The following SDK1 variants were observed in gnomAD, a reference collection of about 807,000 sequenced individuals.
The protein encoded by SDK1 is protein sidekick-1.
SDK1 carries 157 observed loss-of-function variants against 245.5 expected under a neutral mutation model. That is an observed-to-expected ratio of 0.64 (90% CI 0.56 to 0.73). The LOEUF (loss-of-function observed/expected upper bound fraction) is 0.73. Among genes scored for constraint, SDK1 ranks in the 30% least tolerant of loss-of-function variants. SDK1 has a pLI of 0.00. For synonymous variants in SDK1, 1,647 were observed against 1,278.5 expected, an observed-to-expected ratio of 1.29 and a Z score of -6.15; for missense variants, 3,583 against 3,002.3, an observed-to-expected ratio of 1.19 and a Z score of -4.52.
At chr7:3,473,072 C>T (rs546609154) in intron 1 of SDK1, among the ~76,000 whole-genome samples, 5 of 152,278 alleles carry the variant, frequency 3.3e-5, no homozygotes, top group African/African-American at 4.8e-5. Context: ...TGGCTTCTTA[C>T]GATTTTGAAA....
At chr7:4,034,658 C>T (rs1198332247) in intron 17 of SDK1, among the ~76,000 whole-genome samples, 2 of 152,232 alleles carry the variant, frequency 1.3e-5, no homozygotes, top group Non-Finnish European at 2.9e-5. Context: ...CACTCACAAA[C>T]TCGACTTTTA....
chr7:3,792,519 A>T (rs1012785353), intron 4 of SDK1, among the ~76,000 whole-genome samples: 1 of 152,258 alleles, frequency 6.6e-6, no homozygotes, highest in African/African-American at 2.4e-5. Flanking sequence ...TTAGTTGATG[A>T]ATAAGCGAAT....
chr7:3,524,298 A>G (rs1783044224), intron 1 of SDK1, among the ~76,000 whole-genome samples: 1 of 152,170 alleles, frequency 6.6e-6, no homozygotes. Context: ...AAACAACAAA[A>G]TCCTACTTAG....
At chr7:3,609,097 A>G (rs982990275) in intron 1 of SDK1, among the ~76,000 whole-genome samples, 5 of 152,222 alleles carry the variant, frequency 3.3e-5, no homozygotes, top group Non-Finnish European at 7.3e-5. Flanking sequence ...GTTATTTTTC[A>G]TAAATGTCTT....
intron 1 of SDK1, among the ~76,000 whole-genome samples, chr7:3,589,406 C>T (rs12055947): frequency 0.51 from 77,571 of 152,034 alleles, 20,100 homozygotes; most frequent in South Asian, 0.74. Context: ...AGACTCTTCC[C>T]GTGCACCAGC....
At chr7:3,967,469 C>T (rs372470581) in intron 10 of SDK1, 35 bp downstream of exon 10, 2 of 1,284,584 alleles carry the variant, frequency 1.6e-6, no homozygotes, top group East Asian at 2.3e-5. Context: ...CAGCATGGCC[C>T]ATGTAGAACA....
chr7:3,933,718 C>T (rs1339670611), intron 5 of SDK1, among the ~76,000 whole-genome samples: 1 of 152,194 alleles, frequency 6.6e-6, no homozygotes, highest in Non-Finnish European at 1.5e-5. Context: ...AAAAAGTGCC[C>T]TATGACTGAT....
rs969008224 is a variant in SDK1, at chr7:3,852,290, G to A, written c.847+30707G>A. On this transcript the variant is annotated intron_variant, in intron 5 of 44. Transcript: ENST00000404826. Reference sequence around the variant, plus strand: ...AGAAAACTGGCCAGCCGAGAGCGACGGATGGCACCAGGCCTTTGAAGGGTA... The same window carrying A: ...AGAAAACTGGCCAGCCGAGAGCGACAGATGGCACCAGGCCTTTGAAGGGTA... Among the ~76,000 whole-genome samples, 206 of 151,944 alleles carry A rather than the reference G, an allele frequency of 1.4e-3. 1 individual carries two copies. The highest frequency in any genetic ancestry group is 4.8e-3 in the African/African-American group (198 of 41,410).
At chr7:3,837,978 C>T (rs995846403) in intron 5 of SDK1, among the ~76,000 whole-genome samples, 1 of 152,128 alleles carries the variant, frequency 6.6e-6, no homozygotes, top group Non-Finnish European at 1.5e-5. Context: ...CTTGGACTCC[C>T]AGGTCCCCTT....
intron 5 of SDK1, among the ~76,000 whole-genome samples, chr7:3,892,998 G>T (rs1230213444): frequency 1.3e-5 from 2 of 152,184 alleles, no homozygotes; most frequent in African/African-American, 4.8e-5. Flanking sequence ...GCAGTAGAAG[G>T]AGCATGAGTT....
intron 1 of SDK1, among the ~76,000 whole-genome samples, chr7:3,414,515 T>G (rs948615147): frequency 1.3e-5 from 2 of 152,208 alleles, no homozygotes; most frequent in South Asian, 4.1e-4. Flanking sequence ...CTATAGATCT[T>G]CCTTGATCAC....
At chr7:4,099,089 C>G (rs1782367321) in intron 22 of SDK1, among the ~76,000 whole-genome samples, 1 of 151,796 alleles carries the variant, frequency 6.6e-6, no homozygotes, top group African/African-American at 2.4e-5. Flanking sequence ...GAAGGCTCTG[C>G]AGAGGAGGTG....
intron 1 of SDK1, among the ~76,000 whole-genome samples, chr7:3,514,725 C>T (rs932711046): frequency 2.0e-5 from 3 of 152,150 alleles, no homozygotes; most frequent in African/African-American, 7.2e-5. Flanking sequence ...ACTTAGACCC[C>T]GTCTCCTTGA....
At chr7:4,064,288 G>A (rs970887161) in intron 19 of SDK1, among the ~76,000 whole-genome samples, 1 of 152,078 alleles carries the variant, frequency 6.6e-6, no homozygotes, top group Non-Finnish European at 1.5e-5. Context: ...GTCAAAAGCA[G>A]ACATACAGAT....
intron 13 of SDK1, among the ~76,000 whole-genome samples, chr7:3,975,703 GA>G (rs1272544846): frequency 2.0e-5 from 3 of 152,234 alleles, no homozygotes; most frequent in Non-Finnish European, 4.4e-5. Context: ...AGTCAGTCCG[GA>G]AGGCCCTGTG....
At chr7:3,336,195 C>T (rs554803615) in intron 1 of SDK1, among the ~76,000 whole-genome samples, 4 of 152,328 alleles carry the variant, frequency 2.6e-5, no homozygotes, top group African/African-American at 9.6e-5. Flanking sequence ...GCCCTCCTCC[C>T]TTCCCAGGCT....
chr7:3,701,180 A>G (rs560847794), intron 4 of SDK1, among the ~76,000 whole-genome samples: 2 of 152,338 alleles, frequency 1.3e-5, no homozygotes, highest in East Asian at 1.9e-4. Context: ...TTGACAGAGA[A>G]TACAATACTG....
intron 4 of SDK1, among the ~76,000 whole-genome samples, chr7:3,705,829 C>A (rs1474766362): frequency 6.6e-6 from 1 of 152,004 alleles, no homozygotes; most frequent in Non-Finnish European, 1.5e-5. Flanking sequence ...TCATCCTTGA[C>A]CTATTTCAGT....
intron 12 of SDK1, among the ~76,000 whole-genome samples, chr7:3,972,031 A>C (rs1394928482): frequency 1.3e-5 from 2 of 150,864 alleles, no homozygotes; most frequent in Non-Finnish European, 2.9e-5. Context: ...CCCCCAGTGC[A>C]CTAATAGGAA....
Sources: gnomAD v4.1 joint callset for allele counts (sites outside exome capture counted in the v4.1 genomes callset) on GRCh38, gnomAD v4.1.1 for gene constraint, MANE v1.5 for transcripts, NCBI Gene and HGNC (gene_info 2026-07-23, HGNC 2026-07-21) for gene names.